NOL4: variants seen among roughly 807,000 people sequenced by gnomAD.
NOL4 encodes nucleolar protein 4.
In NOL4, 17 loss-of-function variants were observed where a neutral mutation model predicts 75.9. The observed-to-expected ratio is 0.22, with a 90% CI of 0.15 to 0.34. NOL4 has a LOEUF of 0.34. Among genes scored for constraint, NOL4 ranks in the 10% least tolerant of loss-of-function variants. NOL4 has a pLI of 1.00. For synonymous variants in NOL4, 292 were observed against 289.9 expected, an observed-to-expected ratio of 1.01 and a Z score of -0.07; for missense variants, 614 against 793.5, an observed-to-expected ratio of 0.77 and a Z score of 2.72.
chr18:34,136,958 T>C (rs1428055698), intron 1 of NOL4, among the ~76,000 whole-genome samples: 2 of 152,116 alleles, frequency 1.3e-5, no homozygotes, highest in African/African-American at 4.8e-5. Flanking sequence ...GGCATGTGAA[T>C]TGACATATAG....
In NOL4 at chr18:34,223,447, C is replaced by G; in HGVS notation, c.-194G>C. On this transcript the variant is annotated 5_prime_UTR_variant, in exon 1 of 11. Coordinates refer to ENST00000261592, the MANE Select transcript of NOL4 (RefSeq NM_003787.5). ...GGTTGGGCACCAGCAATCAATGCCCCGTGCTACCAAGTCTGGTCCATTCGT... is the reference window on the plus strand; with the variant it reads ...GGTTGGGCACCAGCAATCAATGCCCGGTGCTACCAAGTCTGGTCCATTCGT... 4.4e-6 allele frequency: 3 copies of G among 674,920 alleles called. No individual in the cohort carries two copies. Among genetic ancestry groups the G allele is most frequent in the Admixed American group, 2.9e-5 (1 of 34,062 alleles). The allele number at this position is 674,920 out of a possible 1,614,324, so 41.8% of individuals were successfully genotyped here.
intron 5 of NOL4, among the ~76,000 whole-genome samples, chr18:34,030,765 A>T (rs187190524): frequency 1.2e-4 from 18 of 152,144 alleles, no homozygotes; most frequent in Admixed American, 1.2e-3. Flanking sequence ...GGATATACTA[A>T]TTACTCTGAT....
intron 1 of NOL4, among the ~76,000 whole-genome samples, chr18:34,158,951 A>T (rs2030946074): frequency 6.6e-6 from 1 of 152,208 alleles, no homozygotes; most frequent in Admixed American, 6.5e-5. Flanking sequence ...ATGGTAATGG[A>T]ACAAGGACAA....
rs759868086 is a variant in NOL4, at chr18:34,203,500, A to G, written c.264+19490T>C. Among the ~76,000 whole-genome samples, 54 of 151,796 alleles carry G rather than the reference A, an allele frequency of 3.6e-4. 1 individual carries two copies. The highest frequency in any genetic ancestry group is 3.4e-3 in the Middle Eastern group (1 of 292). On this transcript the variant is annotated intron_variant, in intron 1 of 10. Transcript: ENST00000261592. Reference sequence around the variant, plus strand: ...AAAGACTGGTAGATTATATCAATACAATTATTTTGGATGTGATAATATTAT... The same window carrying G: ...AAAGACTGGTAGATTATATCAATACGATTATTTTGGATGTGATAATATTAT...
intron 10 of NOL4, among the ~76,000 whole-genome samples, chr18:33,872,927 C>G (rs2063767158): frequency 6.6e-6 from 1 of 151,966 alleles, no homozygotes; most frequent in Admixed American, 6.6e-5. Context: ...AAGCTGCACA[C>G]TGGCAGAAAA....
intron 1 of NOL4, among the ~76,000 whole-genome samples, chr18:34,192,482 A>T (rs570078092): frequency 1.5e-4 from 23 of 152,348 alleles, no homozygotes; most frequent in African/African-American, 5.5e-4. Flanking sequence ...GTAGTAATAA[A>T]AACAGTATGG....
intron 6 of NOL4, among the ~76,000 whole-genome samples, chr18:34,015,279 T>C (rs2074617898): frequency 6.6e-6 from 1 of 152,036 alleles, no homozygotes; most frequent in African/African-American, 2.4e-5. Context: ...TGCTTTCCTA[T>C]CTCAGCCTCT....
At chr18:34,222,494 C>A in intron 1 of NOL4, 1 of 966,414 alleles carries the variant, frequency 1.0e-6, no homozygotes, top group Non-Finnish European at 1.2e-6. Flanking sequence ...TGGGGAAAAC[C>A]CCACATCCAC....
At chr18:34,048,800 C>G in intron 5 of NOL4, among the ~76,000 whole-genome samples, 1 of 151,982 alleles carries the variant, frequency 6.6e-6, no homozygotes, top group Non-Finnish European at 1.5e-5. Context: ...GTACATTTTG[C>G]TACAGGGAGA....
chr18:34,210,856 A>C (rs1433017695), intron 1 of NOL4, among the ~76,000 whole-genome samples: 1 of 152,188 alleles, frequency 6.6e-6, no homozygotes, highest in Non-Finnish European at 1.5e-5. Context: ...TATAACACCT[A>C]ATTTTTACAT....
At chr18:34,002,042 T>C (rs1408550723) in intron 6 of NOL4, among the ~76,000 whole-genome samples, 2 of 152,084 alleles carry the variant, frequency 1.3e-5, no homozygotes, top group East Asian at 1.9e-4. Flanking sequence ...CAGGTCCCCA[T>C]GCCAGAAACA....
intron 6 of NOL4, among the ~76,000 whole-genome samples, chr18:33,981,936 G>C (rs2071994828): frequency 6.6e-6 from 1 of 152,040 alleles, no homozygotes; most frequent in Non-Finnish European, 1.5e-5. Context: ...TTTCGTTATA[G>C]GGTACTTGTA....
At chr18:33,995,914 GTAGTCTATCC>G (rs1289670783) in intron 6 of NOL4, among the ~76,000 whole-genome samples, 4 of 151,620 alleles carry the variant, frequency 2.6e-5, no homozygotes, top group Non-Finnish European at 5.9e-5. Flanking sequence ...GTTGGGTGGA[GTAGTCTATCC>G]TATTAGGTCT....
chr18:34,023,208 T>C (rs1415492978), intron 5 of NOL4, among the ~76,000 whole-genome samples: 3 of 152,084 alleles, frequency 2.0e-5, no homozygotes, highest in Non-Finnish European at 4.4e-5. Flanking sequence ...TAAAACAAAG[T>C]TTTTGATGTC....
At chr18:33,953,273 A>T (rs1568119008) in intron 8 of NOL4, among the ~76,000 whole-genome samples, 1 of 137,448 alleles carries the variant, frequency 7.3e-6, no homozygotes, top group Non-Finnish European at 1.6e-5. Flanking sequence ...CATTTTTTCT[A>T]CCTAATTTTT....
chr18:34,088,000 T>C (rs2078325605), intron 5 of NOL4, among the ~76,000 whole-genome samples: 1 of 151,892 alleles, frequency 6.6e-6, no homozygotes, highest in African/African-American at 2.4e-5. Context: ...TATCTTTTTT[T>C]AAAATGCAAA....
At chr18:33,939,403 T>C (rs1441536313) in intron 9 of NOL4, among the ~76,000 whole-genome samples, 1 of 152,178 alleles carries the variant, frequency 6.6e-6, no homozygotes, top group Non-Finnish European at 1.5e-5. Flanking sequence ...TTTCGATCCA[T>C]GAGCAAGGAA....
At position 34,059,940 on chromosome 18, in the gene NOL4, C is replaced by G. The variant is rs148938259; in HGVS notation, c.772+33525G>C. On this transcript the variant is annotated intron_variant, in intron 5 of 10. Coordinates refer to ENST00000261592, the MANE Select transcript of NOL4 (RefSeq NM_003787.5). The stretch of plus-strand genomic sequence containing the variant: ...CGAGATGAGCCTTCCAGCCTTCCCC[C>G]ACCAGAGCATCGGTCATTGAGTGAG... Among the ~76,000 whole-genome samples the G allele has an allele frequency of 3.1e-3, 469 of 152,184 alleles. 3 individuals are homozygous for G. The highest frequency in any genetic ancestry group is 0.017 in the Middle Eastern group (5 of 294).
chr18:34,063,215 T>C (rs1275187639), intron 5 of NOL4, among the ~76,000 whole-genome samples: 1 of 152,018 alleles, frequency 6.6e-6, no homozygotes, highest in East Asian at 1.9e-4. Flanking sequence ...GATCAGACTA[T>C]GGGAAATAAA....
Sources: gnomAD v4.1 joint callset for allele counts (sites outside exome capture counted in the v4.1 genomes callset) on GRCh38, gnomAD v4.1.1 for gene constraint, MANE v1.5 for transcripts, NCBI Gene and HGNC (gene_info 2026-07-23, HGNC 2026-07-21) for gene names.